Variants in NDRG4 observed in about 807,000 individuals in gnomAD.
NDRG4 encodes protein NDRG4.
NDRG4 carries 38 observed loss-of-function variants against 55.8 expected under a neutral mutation model. The ratio of observed to expected loss-of-function variants is 0.68; its 90% CI spans 0.53 to 0.89. The LOEUF is 0.89. Ranked by LOEUF, NDRG4 falls within the 40% of genes least tolerant of loss-of-function variation. The pLI is 0.00. For synonymous variants in NDRG4, 190 were observed against 182.7 expected (o/e 1.04, Z -0.32); for missense variants, 455 against 468.6 (o/e 0.97, Z 0.27).
At chr16:58,490,928 G>A (rs867556621) in intron 2 of NDRG4, among the ~76,000 whole-genome samples, 5 of 152,010 alleles carry the variant, frequency 3.3e-5, no homozygotes, top group Middle Eastern at 6.8e-3. Flanking sequence ...AGTGAGCCAA[G>A]ATTACACCAC....
chr16:58,499,352 T>C (rs1834030), upstream of NDRG4: 141,509 of 152,494 alleles, frequency 0.93, 65,796 homozygotes, highest in South Asian at 0.96. Context: ...TCCCTGGTGG[T>C]CTGGAGCCCC....
chr16:58,511,862 G>A lies in NDRG4; in HGVS notation c.*286G>A. Reference sequence around the variant, plus strand: ...AGAAGGGCAGGGCCATAGGGAGGGAGATTCGCTACGGATCCAGGCCATTCC... The same window carrying A: ...AGAAGGGCAGGGCCATAGGGAGGGAAATTCGCTACGGATCCAGGCCATTCC... On this transcript the variant is annotated 3_prime_UTR_variant, in exon 15 of 15. Transcript: ENST00000570248. 2.1e-6 allele frequency: 1 copy of A among 483,318 alleles called. No individual in the cohort carries two copies. Among genetic ancestry groups the A allele is most frequent in the South Asian group, 1.9e-5 (1 of 53,560 alleles). 29.9% of individuals were successfully genotyped at this position (483,318 alleles called of 1,614,324 possible).
At chr16:58,476,014 C>T (rs2151599304) in intron 1 of NDRG4, among the ~76,000 whole-genome samples, 1 of 152,286 alleles carries the variant, frequency 6.6e-6, no homozygotes, top group East Asian at 1.9e-4. Context: ...CCAGGCTGGT[C>T]TTGAACTCCT....
At chr16:58,501,137 C>A in intron 1 of NDRG4, 1 of 1,141,104 alleles carries the variant, frequency 8.8e-7, no homozygotes, top group Non-Finnish European at 1.1e-6. Context: ...CCCCCACCCC[C>A]GGGCCCCACA....
chr16:58,481,619 C>T (rs1332111899), intron 1 of NDRG4, among the ~76,000 whole-genome samples: 1 of 152,148 alleles, frequency 6.6e-6, no homozygotes, highest in Non-Finnish European at 1.5e-5. Flanking sequence ...AATAATGTCC[C>T]TTGCATCCTC....
intron 2 of NDRG4, chr16:58,487,891 C>T (rs756759968): frequency 4.2e-6 from 6 of 1,441,284 alleles, no homozygotes; most frequent in South Asian, 2.7e-5. Flanking sequence ...GGGCCGAGCG[C>T]GCCACCTCGT....
chr16:58,474,329 T>C (rs1239704762), intron 1 of NDRG4, among the ~76,000 whole-genome samples: 1 of 152,090 alleles, frequency 6.6e-6, no homozygotes, highest in Non-Finnish European at 1.5e-5. Flanking sequence ...AGGCGTGAGC[T>C]GGCTTCCTTT....
At position 58,504,662 on chromosome 16, in the gene NDRG4, A is replaced by T; in HGVS notation, c.372+13A>T. On this transcript the variant is annotated intron_variant, in intron 5 of 14. Coordinates refer to ENST00000570248, the MANE Select transcript of NDRG4 (RefSeq NM_001242835.2). ...GGCCAAGTTTGCAGTGAGTCTCCCC[A>T]TGCCCCCATTACCCCAAACACCAGG... The T allele has an allele frequency of 1.2e-6, 2 of 1,614,088 alleles. No homozygotes were observed. The highest frequency in any genetic ancestry group is 8.5e-7 in the Non-Finnish European group (1 of 1,179,978).
At chr16:58,480,627 G>C (rs945282740) in intron 1 of NDRG4, among the ~76,000 whole-genome samples, 3 of 152,218 alleles carry the variant, frequency 2.0e-5, no homozygotes, top group African/African-American at 7.2e-5. Context: ...TCTGTGGACA[G>C]GTCAGCCGTG....
chr16:58,507,727 T>G, intron 8 of NDRG4, 81 bp from the exon 9 acceptor site: 1 of 1,359,600 alleles, frequency 7.4e-7, no homozygotes, highest in Non-Finnish European at 1.0e-6. Context: ...GCTTTACCAA[T>G]TGGCAGTGTT....
At chr16:58,478,173 G>C (rs1036137272) in intron 1 of NDRG4, among the ~76,000 whole-genome samples, 1 of 152,030 alleles carries the variant, frequency 6.6e-6, no homozygotes, top group African/African-American at 2.4e-5. Flanking sequence ...GATGGATCAC[G>C]AGGTCAGGGG....
chr16:58,493,795 C>T (rs2036068931), intron 2 of NDRG4, among the ~76,000 whole-genome samples: 1 of 152,186 alleles, frequency 6.6e-6, no homozygotes, highest in Non-Finnish European at 1.5e-5. Context: ...TTCTCCTTTA[C>T]CTGGACGTGT....
At chr16:58,500,359 C>A in intron 1 of NDRG4, 90 bp downstream of exon 1, 1 of 1,477,000 alleles carries the variant, frequency 6.8e-7, no homozygotes, top group South Asian at 1.3e-5. Flanking sequence ...CCCCTCAACC[C>A]ACATCTGGTG....
chr16:58,491,221 A>G (rs966768092), intron 2 of NDRG4, among the ~76,000 whole-genome samples: 10 of 151,890 alleles, frequency 6.6e-5, no homozygotes, highest in Non-Finnish European at 7.4e-5. Flanking sequence ...GGTGGCAGTG[A>G]GCCCAGATCT....
chr16:58,471,802 G>T (rs928256252), intron 1 of NDRG4, among the ~76,000 whole-genome samples: 2 of 152,168 alleles, frequency 1.3e-5, no homozygotes, highest in Non-Finnish European at 2.9e-5. Flanking sequence ...CCCACCCTAG[G>T]CAGTGAGCTG....
intron 1 of NDRG4, among the ~76,000 whole-genome samples, chr16:58,477,812 A>G (rs916548053): frequency 6.6e-6 from 1 of 152,150 alleles, no homozygotes; most frequent in Non-Finnish European, 1.5e-5. Flanking sequence ...GAGACATAGG[A>G]TGTTTACATA....
chr16:58,504,320 A>AG (rs1192838241), intron 3 of NDRG4, 39 bp from the exon 4 acceptor site: 1 of 1,613,866 alleles, frequency 6.2e-7, no homozygotes, highest in South Asian at 1.1e-5. Flanking sequence ...TCTGCACCTG[A>AG]GGCCACACCT....
In NDRG4 at chr16:58,506,630, TC is replaced by T; in HGVS notation, c.516+17del. 6.5e-7 allele frequency: 1 copy of T among 1,545,918 alleles called. No individual in the cohort carries two copies. Among genetic ancestry groups the T allele is most frequent in the Non-Finnish European group, 8.7e-7 (1 of 1,146,840 alleles). ...CTTCAGCCAGGTAAGGGGGGGAACT[TC>T]TGCAGATCTGGGGTGATCTGGGATT... is the stretch of plus-strand genomic sequence containing the variant. On this transcript the variant is annotated intron_variant, in intron 7 of 14. Coordinates refer to ENST00000570248, the MANE Select transcript of NDRG4 (RefSeq NM_001242835.2).
intron 1 of NDRG4, chr16:58,501,713 T>C: frequency 3.5e-6 from 1 of 283,646 alleles, no homozygotes; most frequent in Non-Finnish European, 7.2e-6. Context: ...GCCCCAGCCC[T>C]TCCCATCCTG....
Sources: gnomAD v4.1 joint callset for allele counts (sites outside exome capture counted in the v4.1 genomes callset) on GRCh38, gnomAD v4.1.1 for gene constraint, MANE v1.5 for transcripts, NCBI Gene and HGNC (gene_info 2026-07-23, HGNC 2026-07-21) for gene names.